Variants in LRBA observed in about 807,000 individuals in gnomAD.
The protein encoded by LRBA is LPS responsive beige-like anchor protein, also known as lipopolysaccharide-responsive and beige-like anchor protein.
Under a neutral mutation model 330.0 loss-of-function variants are expected in LRBA, and 176 were observed. That is an observed-to-expected ratio of 0.53 (90% CI 0.47 to 0.60). The LOEUF (loss-of-function observed/expected upper bound fraction) is 0.60. Ranked by LOEUF, LRBA falls within the 20% of genes least tolerant of loss-of-function variation. The pLI, the probability that LRBA is intolerant of heterozygous loss-of-function variation, is 0.00. For missense variants in LRBA, 3,259 were observed against 3,444.8 expected (o/e 0.95, Z 1.35); for synonymous variants, 1,230 against 1,193.0 (o/e 1.03, Z -0.64).
intron 53 of LRBA, among the ~76,000 whole-genome samples, chr4:150,295,998 C>T (rs1728934312): frequency 6.6e-6 from 1 of 152,052 alleles, no homozygotes; most frequent in Non-Finnish European, 1.5e-5. Flanking sequence ...AATTCTACCC[C>T]CCAAAAAGAA....
chr4:150,610,719 C>T (rs935743888), intron 37 of LRBA, among the ~76,000 whole-genome samples: 14 of 152,070 alleles, frequency 9.2e-5, no homozygotes, highest in Admixed American at 1.3e-4. Context: ...CTAGTAAGAA[C>T]GCCTGGGATG....
chr4:150,841,353 C>T (rs531708380), intron 28 of LRBA, among the ~76,000 whole-genome samples: 57 of 152,158 alleles, frequency 3.7e-4, no homozygotes, highest in Non-Finnish European at 6.8e-4. Flanking sequence ...TCCCATAAAT[C>T]GTTTACATTT....
chr4:150,477,998 T>C (rs1016567932), intron 42 of LRBA, among the ~76,000 whole-genome samples: 7 of 152,134 alleles, frequency 4.6e-5, no homozygotes, highest in African/African-American at 1.7e-4. Flanking sequence ...TTTCCTGTCT[T>C]TTGAGCCACT....
intron 44 of LRBA, among the ~76,000 whole-genome samples, chr4:150,437,769 A>G (rs1256418280): frequency 1.3e-5 from 2 of 152,260 alleles, no homozygotes; most frequent in South Asian, 2.1e-4. Flanking sequence ...ACAACGTTCA[A>G]TGAATGCTAA....
chr4:150,925,276 A>G (rs116230823), intron 4 of LRBA, among the ~76,000 whole-genome samples: 57 of 152,256 alleles, frequency 3.7e-4, no homozygotes, highest in African/African-American at 1.3e-3. Context: ...TGATTCTGTT[A>G]TAGAACAATC....
At chr4:150,644,690 T>C (rs898339463) in intron 37 of LRBA, among the ~76,000 whole-genome samples, 1 of 151,950 alleles carries the variant, frequency 6.6e-6, no homozygotes, top group African/African-American at 2.4e-5. Context: ...TAAATGACTA[T>C]TTTGAAGTGA....
chr4:150,566,832 G>A (rs1444696093), intron 40 of LRBA, among the ~76,000 whole-genome samples: 3 of 152,018 alleles, frequency 2.0e-5, no homozygotes, highest in East Asian at 1.9e-4. Context: ...ATCATCTTCC[G>A]TATAAAAGCT....
At chr4:150,455,715 A>C (rs1338643843) in intron 44 of LRBA, among the ~76,000 whole-genome samples, 2 of 152,088 alleles carry the variant, frequency 1.3e-5, no homozygotes, top group Non-Finnish European at 2.9e-5. Flanking sequence ...ATTAGTGTTG[A>C]CTATAGTCAC....
intron 40 of LRBA, among the ~76,000 whole-genome samples, chr4:150,533,163 A>G (rs1296099035): frequency 1.3e-5 from 2 of 152,068 alleles, no homozygotes; most frequent in Non-Finnish European, 2.9e-5. Context: ...ACTACTTAAT[A>G]AACCCATCTT....
chr4:150,556,432 A>G (rs936366317), intron 40 of LRBA, among the ~76,000 whole-genome samples: 2 of 152,230 alleles, frequency 1.3e-5, no homozygotes, highest in Admixed American at 6.5e-5. Context: ...ATTCTTACTT[A>G]TTGCTGTAAT....
At chr4:150,297,329 G>C (rs1447728898) in intron 53 of LRBA, among the ~76,000 whole-genome samples, 1 of 152,126 alleles carries the variant, frequency 6.6e-6, no homozygotes, top group African/African-American at 2.4e-5. Flanking sequence ...TTAGTTACAA[G>C]CAGTAAATAC....
In LRBA at chr4:150,443,853, A is replaced by AAAAAAATATAT. The variant is rs70941406; in HGVS notation, c.6781-6990_6781-6989insATATATTTTTT. Among the ~76,000 whole-genome samples the AAAAAAATATAT allele has an allele frequency of 2.8e-4, 21 of 75,472 alleles. No individual in the cohort carries two copies. The East Asian group carries it at 6.5e-3, about 23-fold the overall frequency. The allele number at this position is 75,472 out of a possible 152,430, so 49.5% of individuals were successfully genotyped here. A position where few individuals can be genotyped will look rare whatever the true frequency, so the allele number is the denominator to read the frequency against. On this transcript the variant is annotated intron_variant, in intron 44 of 56. Coordinates refer to ENST00000651943, the MANE Select transcript of LRBA (RefSeq NM_001364905.1). ...CTAGAACTTAAAGTATAATTAAAAA[A>AAAAAAATATAT]ATATATATATATATATATATTTTTT...
intron 36 of LRBA, among the ~76,000 whole-genome samples, chr4:150,690,930 T>C (rs1784076154): frequency 9.7e-6 from 1 of 102,690 alleles, no homozygotes; most frequent in African/African-American, 9.8e-5. Flanking sequence ...ACCTGGTCTT[T>C]TTTTTTTTTT....
chr4:150,458,543 G>T (rs1754367623), intron 44 of LRBA, among the ~76,000 whole-genome samples: 3 of 151,752 alleles, frequency 2.0e-5, no homozygotes, highest in African/African-American at 7.3e-5. Context: ...ACTTATAAAT[G>T]GTAACAGGAA....
At chr4:150,777,569 T>C (rs1260004047) in intron 34 of LRBA, among the ~76,000 whole-genome samples, 1 of 152,036 alleles carries the variant, frequency 6.6e-6, no homozygotes, top group East Asian at 1.9e-4. Flanking sequence ...CCTAAATAGT[T>C]GACAGAAACA....
intron 44 of LRBA, among the ~76,000 whole-genome samples, chr4:150,443,853 A>AAAAATATAT (rs70941406): frequency 7.8e-4 from 59 of 75,466 alleles, no homozygotes; most frequent in Non-Finnish European, 1.5e-3. Flanking sequence ...TAATTAAAAA[A>AAAAATATAT]ATATATATAT....
chr4:150,867,716 A>G lies in LRBA; in HGVS notation c.2721T>C (p.Gly907=), dbSNP rs1752904273. 1 of 1,613,678 alleles carries G rather than the reference A, an allele frequency of 6.2e-7. No homozygotes were observed. Residue 907 remains glycine (G), a synonymous_variant, in exon 22 of 57, where the codon GGT becomes GGC. Coordinates refer to ENST00000651943, the MANE Select transcript of LRBA (RefSeq NM_001364905.1). ...AAGTGTCTACCCATACACGCCAGCC[A>G]CCCCACTCATATTTGACTGCATGGT... ...LLYHAVKYEW[G]GWRVWVDTLS...
intron 48 of LRBA, among the ~76,000 whole-genome samples, chr4:150,347,790 T>C (rs866144326): frequency 5.9e-5 from 9 of 152,188 alleles, no homozygotes; most frequent in Admixed American, 4.6e-4. Flanking sequence ...TTCAAATATA[T>C]ATCTAATGTC....
chr4:150,355,814 A>G (rs892078735), intron 47 of LRBA, among the ~76,000 whole-genome samples: 8 of 152,112 alleles, frequency 5.3e-5, no homozygotes, highest in Non-Finnish European at 1.0e-4. Flanking sequence ...TCATTTGAAC[A>G]TAGATAACAG....
Sources: allele counts gnomAD v4.1 joint callset (sites outside exome capture counted in the v4.1 genomes callset), GRCh38; gene constraint gnomAD v4.1.1; transcripts MANE v1.5; gene names NCBI Gene and HGNC (gene_info 2026-07-23, HGNC 2026-07-21).